CFAP47: variants seen among roughly 807,000 people sequenced by gnomAD.
The protein encoded by CFAP47 is cilia and flagella associated protein 47, also known as cilia- and flagella-associated protein 47.
A neutral mutation model predicts 148.1 loss-of-function variants in CFAP47; 29 were observed. The observed-to-expected ratio is 0.20, with a 90% CI of 0.15 to 0.27. The LOEUF (loss-of-function observed/expected upper bound fraction) is 0.27. CFAP47 is among the 10% of genes least tolerant of loss of function. CFAP47 has a pLI of 1.00. For missense variants in CFAP47, 1,872 were observed against 1,697.5 expected (o/e 1.10, Z -1.81); for synonymous variants, 664 against 577.3 (o/e 1.15, Z -2.15).
At chrX:36,130,031 G>A (rs1381385628) in intron 33 of CFAP47, among the ~76,000 whole-genome samples, 1 of 111,460 alleles carries the variant, frequency 9.0e-6, no homozygotes, top group East Asian at 2.8e-4. Context: ...CAAAATCACA[G>A]TAAGTTAGCA....
At chrX:36,144,521 T>C in intron 35 of CFAP47, 1 of 1,001,996 alleles carries the variant, frequency 1.0e-6, no homozygotes, top group Non-Finnish European at 1.3e-6. Context: ...CTTGACTGGA[T>C]TGAAGGATGC....
At chrX:36,039,624 T>A (rs927041473) in intron 25 of CFAP47, among the ~76,000 whole-genome samples, 16 of 112,159 alleles carry the variant, frequency 1.4e-4, no homozygotes, top group African/African-American at 4.9e-4. Flanking sequence ...TTGGCTGCAG[T>A]GGCACTTTCA....
chrX:36,272,590 C>CT lies in CFAP47; in HGVS notation c.7445-7889dup, dbSNP rs782061612. ...TGGATTTGACTCTTTCTGACTTCTG[C>CT]TTTTTTTTCCTCATCTTAAAAAAAT... On this transcript the variant is annotated intron_variant, in intron 49 of 63. Transcript: ENST00000378653. Among the ~76,000 whole-genome samples, 116 of 110,189 alleles carry CT rather than the reference C, an allele frequency of 1.1e-3. 1 individual carries two copies. The East Asian group carries it at 0.022, about 21-fold the overall frequency.
chrX:36,200,801 C>A (rs1323126457), intron 43 of CFAP47, among the ~76,000 whole-genome samples: 1 of 111,757 alleles, frequency 8.9e-6, no homozygotes, highest in African/African-American at 3.3e-5. Flanking sequence ...ATTTTACTCT[C>A]AAAAAATCTA....
intron 29 of CFAP47, among the ~76,000 whole-genome samples, chrX:36,075,363 G>T (rs1342957191): frequency 2.7e-5 from 3 of 110,070 alleles, no homozygotes; most frequent in Non-Finnish European, 5.7e-5. Flanking sequence ...AAGTAGCTGA[G>T]ACTACAGGTG....
intron 52 of CFAP47, among the ~76,000 whole-genome samples, chrX:36,300,532 G>A (rs1285357192): frequency 1.8e-5 from 2 of 111,036 alleles, no homozygotes; most frequent in African/African-American, 3.3e-5. Flanking sequence ...CTCGTGATCC[G>A]CCTGCCTCGG....
intron 15 of CFAP47, among the ~76,000 whole-genome samples, chrX:35,980,873 G>T (rs767046968): frequency 9.1e-6 from 1 of 109,866 alleles, no homozygotes; most frequent in African/African-American, 3.3e-5. Context: ...TATTTTTTAC[G>T]TGTATTATCA....
chrX:36,013,978 G>T (rs1459066677), intron 21 of CFAP47, among the ~76,000 whole-genome samples: 1 of 111,979 alleles, frequency 8.9e-6, no homozygotes, highest in Non-Finnish European at 1.9e-5. Flanking sequence ...TGGGAGTCCT[G>T]AGCTTTATGT....
intron 1 of CFAP47, among the ~76,000 whole-genome samples, chrX:35,923,411 G>A (rs775230467): frequency 9.0e-6 from 1 of 110,952 alleles, no homozygotes; most frequent in Non-Finnish European, 1.9e-5. Flanking sequence ...TATTTTTCCT[G>A]GCATCTAGCA....
At chrX:36,233,462 G>A (rs1423735858) in intron 46 of CFAP47, among the ~76,000 whole-genome samples, 12 of 110,770 alleles carry the variant, frequency 1.1e-4, no homozygotes, top group African/African-American at 4.0e-4. Flanking sequence ...TTTTCCATTG[G>A]CTTGGTAGAT....
chrX:36,372,229 C>T (rs1160377377), intron 62 of CFAP47, among the ~76,000 whole-genome samples: 5 of 109,489 alleles, frequency 4.6e-5, no homozygotes, highest in Admixed American at 9.8e-5. Context: ...ATAAAGAAAA[C>T]TTGATATGAA....
chrX:35,994,261 CA>C (rs1353873045), intron 18 of CFAP47, among the ~76,000 whole-genome samples: 25 of 92,770 alleles, frequency 2.7e-4, no homozygotes, highest in Non-Finnish European at 2.2e-4. Flanking sequence ...GACTCCGTCT[CA>C]AAAAAAAAAA....
intron 57 of CFAP47, among the ~76,000 whole-genome samples, chrX:36,347,484 A>G (rs782628846): frequency 7.1e-4 from 80 of 112,342 alleles, no homozygotes; most frequent in Non-Finnish European, 2.3e-4. Flanking sequence ...ATGCACACGT[A>G]TGTTTATTGT....
intron 39 of CFAP47, among the ~76,000 whole-genome samples, chrX:36,173,556 T>C (rs1375705589): frequency 6.3e-5 from 7 of 111,893 alleles, no homozygotes; most frequent in Non-Finnish European, 1.9e-5. Flanking sequence ...TTTTGTTATG[T>C]ACTCAGTAGT....
At chrX:35,929,605 G>C (rs1935794830) in intron 2 of CFAP47, among the ~76,000 whole-genome samples, 2 of 110,973 alleles carry the variant, frequency 1.8e-5, no homozygotes, top group Admixed American at 1.9e-4. Flanking sequence ...CTGTAGACAG[G>C]GATAATTCGT....
rs1314351803 is a variant in CFAP47, at chrX:36,145,325, G to A, written c.5642G>A (p.Cys1881Tyr). The A allele has an allele frequency of 1.7e-5, 5 of 296,176 alleles. No homozygotes were observed. Among genetic ancestry groups the A allele is most frequent in the Non-Finnish European group, 2.9e-5 (5 of 170,591 alleles). 24.4% of individuals were successfully genotyped at this position (296,176 alleles called of 1,213,427 possible). A position where few individuals can be genotyped will look rare whatever the true frequency, so the allele number is the denominator to read the frequency against. ...CCTAAGAAGGTGGTGTCCTTTGAAT[G>A]TACTCTACATGACACGGTGCTGAAT... ...YLPKKVVSFE[C>Y]TLHDTVLNKI... Residue 1881 changes from cysteine (C) to tyrosine (Y), a missense_variant, in exon 36 of 64, where the codon TGT becomes TAT. Transcript: ENST00000378653.
chrX:36,241,752 G>A (rs1940547509), intron 48 of CFAP47, among the ~76,000 whole-genome samples: 1 of 112,131 alleles, frequency 8.9e-6, no homozygotes, highest in African/African-American at 3.2e-5. Flanking sequence ...ATCAGCTGGT[G>A]TGGGAGTGGG....
rs771748965 is a variant in CFAP47 at position 36,183,357 on chromosome X, A to G, written c.6104+3935A>G. ...AAAGAAGAAAGGGGCCTCCTTCACCAAGGATCCCTGAGTGTACCCTCCACC... is the reference window on the plus strand; with the variant it reads ...AAAGAAGAAAGGGGCCTCCTTCACCGAGGATCCCTGAGTGTACCCTCCACC... On this transcript the variant is annotated intron_variant, in intron 40 of 63. Transcript: ENST00000378653. Among the ~76,000 whole-genome samples the G allele has an allele frequency of 3.9e-4, 43 of 111,432 alleles. No homozygotes were observed. In the Middle Eastern group the frequency reaches 0.028, roughly 73 times the overall value.
chrX:36,144,778 A>AT (rs1939205752), intron 35 of CFAP47: 6 of 1,024,773 alleles, frequency 5.9e-6, no homozygotes, highest in East Asian at 6.1e-5. Context: ...AGCAGGATGC[A>AT]TTTTTTTCTC....
Sources: gnomAD v4.1 joint callset for allele counts (sites outside exome capture counted in the v4.1 genomes callset) on GRCh38, gnomAD v4.1.1 for gene constraint, MANE v1.5 for transcripts, NCBI Gene and HGNC (gene_info 2026-07-23, HGNC 2026-07-21) for gene names.